IL17RD: variants seen among roughly 807,000 people sequenced by gnomAD.
IL17RD encodes the protein interleukin-17 receptor D.
A neutral mutation model predicts 80.5 loss-of-function variants in IL17RD; 52 were observed. That is an observed-to-expected ratio of 0.65 (90% CI 0.52 to 0.81). The LOEUF (loss-of-function observed/expected upper bound fraction) is 0.81. IL17RD is among the 40% of genes least tolerant of loss of function. The pLI, the probability that IL17RD is intolerant of heterozygous loss-of-function variation, is 0.00. For synonymous variants in IL17RD, 416 were observed against 391.8 expected (o/e 1.06, Z -0.73); for missense variants, 1,024 against 955.1 (o/e 1.07, Z -0.95).
rs1706570042 is a variant in IL17RD, at chr3:57,092,170, T to C, written c.*4223A>G. On this transcript the variant is annotated 3_prime_UTR_variant, in exon 13 of 13. Coordinates refer to ENST00000296318, the MANE Select transcript of IL17RD (RefSeq NM_017563.5). ...ATGGACGCTAGGAGGTTCCTTGCCT[T>C]ACTCTCTACAACTGCCTGCTTTCCT... 1 of 152,714 alleles carries C rather than the reference T, an allele frequency of 6.5e-6. No homozygotes were observed. Among genetic ancestry groups the C allele is most frequent in the Non-Finnish European group, 1.5e-5 (1 of 68,070 alleles). 9.5% of individuals were successfully genotyped at this position (152,714 alleles called of 1,614,324 possible). A position where few individuals can be genotyped will look rare whatever the true frequency, so the allele number is the denominator to read the frequency against.
chr3:57,138,614 C>A (rs117061780), intron 1 of IL17RD, among the ~76,000 whole-genome samples: 3 of 151,954 alleles, frequency 2.0e-5, no homozygotes, highest in Admixed American at 6.6e-5. Context: ...TTGGGGAAGT[C>A]GGAAGATAGT....
intron 8 of IL17RD, 134 bp downstream of exon 8, chr3:57,104,208 T>C (rs1305585317): frequency 5.7e-5 from 36 of 628,716 alleles, no homozygotes; most frequent in Middle Eastern, 7.6e-4. Flanking sequence ...TTTAAAAGCA[T>C]GTTAAGAACC....
intron 1 of IL17RD, among the ~76,000 whole-genome samples, chr3:57,155,220 G>A (rs2060259675): frequency 6.6e-6 from 1 of 152,250 alleles, no homozygotes; most frequent in African/African-American, 2.4e-5. Context: ...CATACAAACT[G>A]AGGGCTGCTG....
chr3:57,142,795 TA>T (rs1354040260), intron 1 of IL17RD, among the ~76,000 whole-genome samples: 17 of 147,406 alleles, frequency 1.2e-4, no homozygotes, highest in East Asian at 9.8e-4. Flanking sequence ...AAGCTTCATT[TA>T]AAAAAAAAAA....
chr3:57,134,982 C>T (rs1707694499), intron 1 of IL17RD, among the ~76,000 whole-genome samples: 1 of 152,086 alleles, frequency 6.6e-6, no homozygotes. Context: ...GTGGCATGCA[C>T]CTGTAGTCCC....
At chr3:57,117,523 T>C (rs1269742318) in intron 2 of IL17RD, among the ~76,000 whole-genome samples, 1 of 152,242 alleles carries the variant, frequency 6.6e-6, no homozygotes, top group Non-Finnish European at 1.5e-5. Context: ...CAGAGAGACT[T>C]ATAAAATTTA....
At position 57,105,969 on chromosome 3, in the gene IL17RD, G is replaced by A. The variant is rs144498929; in HGVS notation, c.635C>T (p.Ser212Leu). 3.5e-5 allele frequency: 56 copies of A among 1,613,840 alleles called. No individual in the cohort carries two copies. The highest frequency in any genetic ancestry group is 1.6e-4 in the Middle Eastern group (1 of 6,062). ...ATGGTCGAAGGACACCTGCATGTCC[G>A]AGCCATGCTGGCTGATGTTCAGGTT... ...PRNLNISQHG[S>L]DMQVSFDHAP... is the part of the protein sequence containing the mutation. Residue 212 changes from serine (S) to leucine (L), a missense_variant, in exon 7 of 13, where the codon TCG (serine) becomes TTG (leucine). Physicochemically the swap from Ser to Leu is moderately radical, Grantham distance 145. Coordinates refer to ENST00000296318, the MANE Select transcript of IL17RD (RefSeq NM_017563.5).
intron 1 of IL17RD, among the ~76,000 whole-genome samples, chr3:57,162,044 G>A (rs2060308617): frequency 6.6e-6 from 1 of 152,218 alleles, no homozygotes; most frequent in South Asian, 2.1e-4. Context: ...TAATGGGGAG[G>A]TTGTGAAACC....
At chr3:57,169,945 A>G (rs1352183175), upstream of IL17RD, among the ~76,000 whole-genome samples, 1 of 152,190 alleles carries the variant, frequency 6.6e-6, no homozygotes, top group East Asian at 1.9e-4. Flanking sequence ...GCTGATGCTC[A>G]GCGAGGGGAA....
chr3:57,148,983 G>T (rs1707995110), intron 1 of IL17RD, among the ~76,000 whole-genome samples: 1 of 152,208 alleles, frequency 6.6e-6, no homozygotes, highest in African/African-American at 2.4e-5. Context: ...GGGGAAGGAA[G>T]TGGGCCAAAG....
At chr3:57,161,244 C>T (rs1420563244) in intron 1 of IL17RD, among the ~76,000 whole-genome samples, 2 of 152,176 alleles carry the variant, frequency 1.3e-5, no homozygotes, top group African/African-American at 2.4e-5. Flanking sequence ...ACAACATGGC[C>T]ATACGATAGG....
At chr3:57,166,011 G>A (rs903958624), upstream of IL17RD, among the ~76,000 whole-genome samples, 3 of 152,182 alleles carry the variant, frequency 2.0e-5, no homozygotes, top group Non-Finnish European at 4.4e-5. Flanking sequence ...GCTGTTACCT[G>A]CCAGACCTGA....
At chr3:57,157,931 A>C (rs1259180332) in intron 1 of IL17RD, among the ~76,000 whole-genome samples, 1 of 152,094 alleles carries the variant, frequency 6.6e-6, no homozygotes. Context: ...ATGGGGGGAA[A>C]AGATCTACAA....
chr3:57,163,788 G>GGT (rs2060323615), intron 1 of IL17RD, among the ~76,000 whole-genome samples: 1 of 103,700 alleles, frequency 9.6e-6, no homozygotes, highest in Non-Finnish European at 1.9e-5. Context: ...AATGGGGCGG[G>GGT]GGGGCGGGGG....
intron 2 of IL17RD, among the ~76,000 whole-genome samples, chr3:57,117,539 G>A (rs1175214089): frequency 6.6e-6 from 1 of 152,144 alleles, no homozygotes; most frequent in Non-Finnish European, 1.5e-5. Context: ...ATTTAATTTT[G>A]ACTTAATGGC....
intron 1 of IL17RD, among the ~76,000 whole-genome samples, chr3:57,148,191 G>A (rs527408499): frequency 6.6e-6 from 1 of 151,554 alleles, no homozygotes; most frequent in East Asian, 1.9e-4. Context: ...CAGGTGTGGT[G>A]GCGCACGCCT....
intron 1 of IL17RD, among the ~76,000 whole-genome samples, chr3:57,162,013 G>A (rs913278158): frequency 2.6e-5 from 4 of 152,214 alleles, no homozygotes; most frequent in African/African-American, 9.7e-5. Flanking sequence ...GATGGTATCA[G>A]CCTCTTAATT....
intron 1 of IL17RD, among the ~76,000 whole-genome samples, chr3:57,144,316 CTCACCATCTCTTCCTTTCCCTAGCCGT>C (rs911780521): frequency 2.6e-5 from 4 of 152,176 alleles, no homozygotes; most frequent in African/African-American, 4.8e-5. Context: ...TCCCTAGCCG[CTCACCATCTCTTCCTTTCCCTAGCCGT>C]TCACCATCTC....
intron 12 of IL17RD, among the ~76,000 whole-genome samples, chr3:57,097,255 G>A (rs367923002): frequency 3.9e-5 from 6 of 152,220 alleles, no homozygotes; most frequent in East Asian, 3.9e-4. Flanking sequence ...TAAAAAAGAC[G>A]CATCCACAAA....
Sources: gnomAD v4.1 joint callset for allele counts (sites outside exome capture counted in the v4.1 genomes callset) on GRCh38, gnomAD v4.1.1 for gene constraint, MANE v1.5 for transcripts, NCBI Gene and HGNC (gene_info 2026-07-23, HGNC 2026-07-21) for gene names.